KIF15: variants seen among roughly 807,000 people sequenced by gnomAD.
KIF15 encodes kinesin family member 15.
A neutral mutation model predicts 190.6 loss-of-function variants in KIF15; 140 were observed. The observed-to-expected ratio is 0.73, with a 90% CI of 0.64 to 0.84. The LOEUF is 0.84. Among genes scored for constraint, KIF15 ranks in the 40% least tolerant of loss-of-function variants. KIF15 has a pLI of 0.00. For synonymous variants in KIF15, 528 were observed against 551.3 expected (o/e 0.96, Z 0.59); for missense variants, 1,372 against 1,584.4 (o/e 0.87, Z 2.28).
intron 30 of KIF15, 151 bp from the exon 31 acceptor site, chr3:44,847,834 C>T: frequency 1.9e-6 from 1 of 531,908 alleles, no homozygotes; most frequent in Non-Finnish European, 3.4e-6. Flanking sequence ...CATTTATCAA[C>T]TGTACTGACT....
chr3:44,803,015 C>T (rs758537466), intron 14 of KIF15, 24 bp downstream of exon 14: 31 of 1,564,730 alleles, frequency 2.0e-5, no homozygotes, highest in South Asian at 8.6e-5. Context: ...GTTGTATATA[C>T]GTGCCATGTA....
chr3:44,850,144 A>C (rs1227781659), intron 32 of KIF15, among the ~76,000 whole-genome samples: 1 of 152,236 alleles, frequency 6.6e-6, no homozygotes, highest in African/African-American at 2.4e-5. Context: ...CAAAAATTAC[A>C]TGGTGATTTA....
At position 44,829,747 on chromosome 3, in the gene KIF15, A is replaced by G. The variant is rs186334370; in HGVS notation, c.2944-224A>G. Among the ~76,000 whole-genome samples the G allele has an allele frequency of 2.1e-3, 291 of 139,822 alleles. 1 individual carries two copies. Among genetic ancestry groups the G allele is most frequent in the East Asian group, 0.016 (79 of 4,944 alleles). The allele number at this position is 139,822 out of a possible 152,430, so 91.7% of individuals were successfully genotyped here. On this transcript the variant is annotated intron_variant, in intron 24 of 34. Coordinates refer to ENST00000326047, the MANE Select transcript of KIF15 (RefSeq NM_020242.3). ...ATAGATGTATATATTATATATGTAT[A>G]TATTATAGATGTATATATATTATAG...
At chr3:44,797,733 G>A in intron 9 of KIF15, 57 bp downstream of exon 9, 2 of 1,604,924 alleles carry the variant, frequency 1.2e-6, no homozygotes, top group South Asian at 2.2e-5. Flanking sequence ...GTTGATAGTG[G>A]GACAGTCTCT....
chr3:44,833,743 G>C (rs574447999), intron 26 of KIF15, among the ~76,000 whole-genome samples: 1 of 152,168 alleles, frequency 6.6e-6, no homozygotes, highest in Non-Finnish European at 1.5e-5. Flanking sequence ...GGCATAAGGT[G>C]TTGCAGAGAT....
intron 1 of KIF15, among the ~76,000 whole-genome samples, chr3:44,769,799 C>G (rs1369321726): frequency 6.6e-6 from 1 of 152,094 alleles, no homozygotes; most frequent in Non-Finnish European, 1.5e-5. Flanking sequence ...GAAAGGGGTC[C>G]TCCTCCAAGG....
chr3:44,799,600 C>T (rs928917994), intron 10 of KIF15, among the ~76,000 whole-genome samples: 5 of 148,030 alleles, frequency 3.4e-5, no homozygotes, highest in Non-Finnish European at 5.9e-5. Context: ...GCTCTGTCAA[C>T]AGGCTGGAGT....
intron 28 of KIF15, among the ~76,000 whole-genome samples, 194 bp downstream of exon 28, chr3:44,840,650 A>G (rs1698547291): frequency 6.9e-6 from 1 of 145,276 alleles, no homozygotes; most frequent in African/African-American, 2.5e-5. Context: ...TAAGCTAAGC[A>G]GCGGATTTTT....
intron 32 of KIF15, 141 bp downstream of exon 32, chr3:44,848,699 T>A (rs995756244): frequency 1.4e-4 from 55 of 406,514 alleles, no homozygotes; most frequent in Non-Finnish European, 1.7e-4. Context: ...GATTTTTTTT[T>A]AAATACCATT....
intron 4 of KIF15, 110 bp from the exon 5 acceptor site, chr3:44,780,771 TAGAA>T (rs1424178976): frequency 6.5e-5 from 41 of 633,504 alleles, no homozygotes; most frequent in Admixed American, 1.2e-4. Context: ...AATTTAAAAA[TAGAA>T]AGAAAATAAG....
chr3:44,864,161 G>C, intron 6 of KIF15: 2 of 1,612,186 alleles, frequency 1.2e-6, no homozygotes, highest in Non-Finnish European at 1.7e-6. Flanking sequence ...TTGCTGCCCA[G>C]GGTGGACGTG....
intron 24 of KIF15, among the ~76,000 whole-genome samples, chr3:44,829,643 TTATATATGTATATATTA>T (rs1241172211): frequency 7.6e-6 from 1 of 132,084 alleles, no homozygotes; most frequent in Non-Finnish European, 1.5e-5. Context: ...TATGTATATA[TTATATATGTATATATTA>T]TGTATATATA....
At chr3:44,803,023 G>T in intron 14 of KIF15, 32 bp downstream of exon 14, 1 of 1,551,674 alleles carries the variant, frequency 6.4e-7, no homozygotes, top group Non-Finnish European at 8.7e-7. Context: ...TACGTGCCAT[G>T]TAGGAAGGGG....
chr3:44,800,654 T>C (rs527668183), intron 11 of KIF15, among the ~76,000 whole-genome samples: 45 of 152,348 alleles, frequency 3.0e-4, no homozygotes, highest in African/African-American at 1.0e-3. Flanking sequence ...TTTTGAATAA[T>C]GTATAAGTGC....
intron 21 of KIF15, 54 bp from the exon 22 acceptor site, chr3:44,826,321 C>A: frequency 2.5e-6 from 4 of 1,568,646 alleles, no homozygotes; most frequent in South Asian, 1.1e-5. Flanking sequence ...TTGACATGTT[C>A]GTTGACTATG....
At position 44,775,256 on chromosome 3, in the gene KIF15, A is replaced by G. The variant is rs374529038; in HGVS notation, c.65A>G (p.Asn22Ser). ...TACTTTCTTTTTTTTGTCTTTAGTA[A>G]TGAAGGTGATGCCATCAAAGTTTTT... Reference protein sequence around the residue: ...VTNGQSNQPSNEGDAIKVFVR... With the variant: ...VTNGQSNQPSSEGDAIKVFVR... The change falls in exon 3 of 35, where the codon AAT becomes AGT. Residue 22 changes from asparagine (N) to serine (S), a missense_variant and splice_region_variant. Physicochemically the swap from Asn to Ser is conservative, Grantham distance 46. Transcript: ENST00000326047. The G allele has an allele frequency of 6.9e-5, 111 of 1,611,696 alleles. No individual in the cohort carries two copies. The highest frequency in any genetic ancestry group is 9.0e-5 in the Non-Finnish European group (106 of 1,179,002).
intron 1 of KIF15, among the ~76,000 whole-genome samples, chr3:44,765,335 AC>A (rs1384888662): frequency 1.3e-5 from 2 of 152,140 alleles, no homozygotes; most frequent in African/African-American, 4.8e-5. Flanking sequence ...CTGGCAGCCT[AC>A]CTTCTGGGGC....
At position 44,848,073 on chromosome 3, in the gene KIF15, A is replaced by T. The variant is rs200347758; in HGVS notation, c.3768+16A>T. Reference sequence around the variant, plus strand: ...ACTTGCAAAAGTAAGATTTTTTTTTATGTAATAGTTTCTTCTTGTCTGAGC... The same window carrying T: ...ACTTGCAAAAGTAAGATTTTTTTTTTTGTAATAGTTTCTTCTTGTCTGAGC... On this transcript the variant is annotated intron_variant, in intron 31 of 34. Transcript: ENST00000326047. 1,398 of 1,457,300 alleles carry T rather than the reference A, an allele frequency of 9.6e-4. 1 individual carries two copies. The highest frequency in any genetic ancestry group is 1.3e-3 in the Non-Finnish European group (1,321 of 1,040,954). 90.3% of individuals were successfully genotyped at this position (1,457,300 alleles called of 1,614,324 possible).
At chr3:44,851,158 C>T (rs1699045830) in intron 32 of KIF15, among the ~76,000 whole-genome samples, 1 of 152,102 alleles carries the variant, frequency 6.6e-6, no homozygotes, top group African/African-American at 2.4e-5. Flanking sequence ...CCTAGATACT[C>T]CAAAGGCTGG....
Sources: allele counts gnomAD v4.1 joint callset (sites outside exome capture counted in the v4.1 genomes callset), GRCh38; gene constraint gnomAD v4.1.1; transcripts MANE v1.5; gene names NCBI Gene and HGNC (gene_info 2026-07-23, HGNC 2026-07-21).